DNAJC1: variants seen among roughly 807,000 people sequenced by gnomAD.
The protein encoded by DNAJC1 is dnaJ homolog subfamily C member 1.
Under a neutral mutation model 76.6 loss-of-function variants are expected in DNAJC1, and 58 were observed. That is an observed-to-expected ratio of 0.76 (90% confidence interval 0.61 to 0.94). The LOEUF is 0.94. DNAJC1 is among the 40% of genes least tolerant of loss of function. The pLI, the probability that DNAJC1 is intolerant of heterozygous loss-of-function variation, is 0.00. For missense variants in DNAJC1, 689 were observed against 677.3 expected (o/e 1.02, Z -0.19); for synonymous variants, 258 against 267.9 (o/e 0.96, Z 0.36).
At chr10:21,839,592 A>C (rs1160097177) in intron 8 of DNAJC1, among the ~76,000 whole-genome samples, 1 of 152,246 alleles carries the variant, frequency 6.6e-6, no homozygotes. Flanking sequence ...CAGGCTCTGA[A>C]ATTGAGGCAA....
Position 21,782,743 on chromosome 10 carries a change from G to C in DNAJC1, c.1099-16434C>G, listed in dbSNP as rs535106788. 2.3e-3 allele frequency among the ~76,000 whole-genome samples: 356 copies of C among 152,222 alleles called. 1 individual carries two copies. Among genetic ancestry groups the C allele is most frequent in the Non-Finnish European group, 3.7e-3 (249 of 68,012 alleles). ...TCATCCCTGGGATGCAAGGCTGGTT[G>C]AACATATGCAAATCAATAAACGTAA... On this transcript the variant is annotated intron_variant, in intron 9 of 11. Coordinates refer to ENST00000376980, the MANE Select transcript of DNAJC1 (RefSeq NM_022365.4).
chr10:21,782,388 G>A (rs1168937822), intron 9 of DNAJC1, among the ~76,000 whole-genome samples: 2 of 152,286 alleles, frequency 1.3e-5, no homozygotes, highest in African/African-American at 4.8e-5. Context: ...CTGAAATTGA[G>A]GCAATAATTA....
At chr10:21,810,772 T>A (rs1451213595) in intron 8 of DNAJC1, among the ~76,000 whole-genome samples, 1 of 152,174 alleles carries the variant, frequency 6.6e-6, no homozygotes, top group Non-Finnish European at 1.5e-5. Context: ...TTGGGAGGAA[T>A]GTATGGTGCC....
intron 1 of DNAJC1, among the ~76,000 whole-genome samples, chr10:21,969,449 G>A (rs1489535737): frequency 6.6e-6 from 1 of 152,146 alleles, no homozygotes; most frequent in Non-Finnish European, 1.5e-5. Flanking sequence ...CAGAAATACT[G>A]CATAGAGAAA....
chr10:21,969,242 A>AAAT (rs921863205), intron 1 of DNAJC1, among the ~76,000 whole-genome samples: 3 of 150,678 alleles, frequency 2.0e-5, no homozygotes, highest in African/African-American at 7.3e-5. Flanking sequence ...AAAAAAAAAA[A>AAAT]AGGAGGAAAA....
intron 1 of DNAJC1, among the ~76,000 whole-genome samples, chr10:21,980,582 A>G (rs1309165145): frequency 6.6e-6 from 1 of 152,130 alleles, no homozygotes; most frequent in South Asian, 2.1e-4. Context: ...TAAATGTGTG[A>G]TTCTGCACCA....
chr10:21,837,883 C>G (rs1323904569), intron 8 of DNAJC1, among the ~76,000 whole-genome samples: 1 of 148,644 alleles, frequency 6.7e-6, no homozygotes, highest in African/African-American at 2.4e-5. Flanking sequence ...GGGGGCAGCC[C>G]CCGCCCGGCC....
At chr10:21,784,871 AGG>A (rs1179819774) in intron 9 of DNAJC1, among the ~76,000 whole-genome samples, 1 of 150,928 alleles carries the variant, frequency 6.6e-6, no homozygotes, top group Non-Finnish European at 1.5e-5. Context: ...GGACACAGGA[AGG>A]GGAACATCAC....
intron 8 of DNAJC1, among the ~76,000 whole-genome samples, chr10:21,826,933 T>A (rs1317685582): frequency 6.6e-6 from 1 of 152,124 alleles, no homozygotes; most frequent in East Asian, 1.9e-4. Context: ...AATCAGGAAG[T>A]ATGAGTTCTC....
chr10:21,813,228 A>C (rs1352987052), intron 8 of DNAJC1, among the ~76,000 whole-genome samples: 24 of 124,800 alleles, frequency 1.9e-4, no homozygotes, highest in East Asian at 4.6e-4. Flanking sequence ...CTCTATATAT[A>C]TATATATATA....
In DNAJC1 at chr10:22,003,618, A is replaced by C; in HGVS notation, c.-184T>G. 1 of 635,616 alleles carries C rather than the reference A, an allele frequency of 1.6e-6. No individual in the cohort carries two copies. Among genetic ancestry groups the C allele is most frequent in the Non-Finnish European group, 2.3e-6 (1 of 443,024 alleles). 39.4% of individuals were successfully genotyped at this position (635,616 alleles called of 1,614,324 possible). On this transcript the variant is annotated 5_prime_UTR_variant, in exon 1 of 12. Transcript: ENST00000376980. ...GGAGGCGGCGGGAGCCGGCTGCCGG[A>C]CGGGCGGGTGGGTAGGCGGGCGGGG...
intron 7 of DNAJC1, among the ~76,000 whole-genome samples, chr10:21,898,986 T>C (rs938265036): frequency 2.6e-5 from 4 of 151,948 alleles, no homozygotes; most frequent in African/African-American, 9.7e-5. Context: ...ACTTGACCCA[T>C]GGAAAATGAA....
intron 7 of DNAJC1, among the ~76,000 whole-genome samples, chr10:21,898,311 TACC>T (rs1254183003): frequency 6.6e-6 from 1 of 152,202 alleles, no homozygotes. Flanking sequence ...TATAATCATG[TACC>T]ACATTATGAT....
At chr10:21,891,684 AACTGTT>A (rs1334379825) in intron 7 of DNAJC1, among the ~76,000 whole-genome samples, 1 of 152,142 alleles carries the variant, frequency 6.6e-6, no homozygotes, top group Non-Finnish European at 1.5e-5. Flanking sequence ...GAAAGAAAGT[AACTGTT>A]ATACCTGAAG....
intron 8 of DNAJC1, among the ~76,000 whole-genome samples, chr10:21,812,128 G>T (rs1834978176): frequency 6.8e-6 from 1 of 147,748 alleles, no homozygotes; most frequent in African/African-American, 2.5e-5. Context: ...GTGCAATCTT[G>T]GCTCACTGCA....
intron 9 of DNAJC1, among the ~76,000 whole-genome samples, chr10:21,796,211 C>T (rs1028242556): frequency 2.0e-5 from 3 of 152,066 alleles, no homozygotes; most frequent in Admixed American, 6.6e-5. Flanking sequence ...CTCAGGTGAT[C>T]TGCCCGCCTC....
chr10:21,944,981 G>C (rs1837482275), intron 1 of DNAJC1, among the ~76,000 whole-genome samples: 1 of 152,202 alleles, frequency 6.6e-6, no homozygotes, highest in Admixed American at 6.5e-5. Flanking sequence ...TTTTGAAATA[G>C]TCAAGTGGAA....
chr10:21,812,821 C>A (rs1834990092), intron 8 of DNAJC1, among the ~76,000 whole-genome samples: 1 of 151,888 alleles, frequency 6.6e-6, no homozygotes, highest in Non-Finnish European at 1.5e-5. Context: ...CTTTATTCAG[C>A]AAACTATGGT....
intron 9 of DNAJC1, among the ~76,000 whole-genome samples, chr10:21,779,353 G>C (rs944491986): frequency 1.3e-5 from 2 of 152,182 alleles, no homozygotes; most frequent in African/African-American, 2.4e-5. Context: ...CCCAGTAGGG[G>C]CCAACTGACA....
Sources: allele counts gnomAD v4.1 joint callset (sites outside exome capture counted in the v4.1 genomes callset), GRCh38; gene constraint gnomAD v4.1.1; transcripts MANE v1.5; gene names NCBI Gene and HGNC (gene_info 2026-07-23, HGNC 2026-07-21).